The following ASB3 variants were observed in gnomAD, a reference collection of about 807,000 sequenced individuals.
ASB3 encodes ankyrin repeat and SOCS box protein 3.
In ASB3, 41 loss-of-function variants were observed where a neutral mutation model predicts 54.5. That is an observed-to-expected ratio of 0.75 (90% CI 0.59 to 0.98). The LOEUF is 0.98. Among genes scored for constraint, ASB3 ranks in the 50% least tolerant of loss-of-function variants. The pLI is 0.00. For synonymous variants in ASB3, 266 were observed against 221.2 expected (o/e 1.20, Z -1.80); for missense variants, 733 against 620.0 (o/e 1.18, Z -1.94).
intron 1 of ASB3, chr2:53,767,803 T>TA (rs1411939280): frequency 6.6e-7 from 1 of 1,513,714 alleles, no homozygotes; most frequent in Admixed American, 2.1e-5. Flanking sequence ...CGCGGCCGGT[T>TA]ACTCGCTTAC....
chr2:53,677,853 C>A (rs1179635067), intron 9 of ASB3, among the ~76,000 whole-genome samples: 1 of 152,048 alleles, frequency 6.6e-6, no homozygotes, highest in African/African-American at 2.4e-5. Context: ...AGCTAATTAT[C>A]TCAAGGCACA....
chr2:53,706,931 T>C (rs1184166635), intron 7 of ASB3, among the ~76,000 whole-genome samples: 6 of 152,198 alleles, frequency 3.9e-5, no homozygotes, highest in African/African-American at 9.7e-5. Flanking sequence ...ACCTTCCATA[T>C]TGTCTTTAGG....
intron 3 of ASB3, among the ~76,000 whole-genome samples, chr2:53,742,912 T>TA (rs1212733687): frequency 6.6e-6 from 1 of 152,100 alleles, no homozygotes; most frequent in African/African-American, 2.4e-5. Flanking sequence ...AACTAAAATT[T>TA]AAAATATCCA....
intron 1 of ASB3, among the ~76,000 whole-genome samples, chr2:53,768,416 C>A (rs1341206888): frequency 6.6e-6 from 1 of 152,252 alleles, no homozygotes; most frequent in African/African-American, 2.4e-5. Flanking sequence ...GTTGCAAATT[C>A]AGCTTTTTAG....
chr2:53,771,755 A>T, intron 1 of ASB3: 1 of 660,154 alleles, frequency 1.5e-6, no homozygotes. Flanking sequence ...AATTCACTTA[A>T]GCTTTATCAT....
intron 5 of ASB3, among the ~76,000 whole-genome samples, chr2:53,719,196 T>C (rs1314496231): frequency 3.9e-5 from 6 of 152,200 alleles, no homozygotes; most frequent in Non-Finnish European, 7.3e-5. Flanking sequence ...GTGCTGGGAT[T>C]ACAGGCGTGA....
rs759977344 is a variant in ASB3, at chr2:53,700,504, G to A, written c.1005C>T (p.Asn335=). The change falls in exon 8 of 10, where the codon AAC becomes AAT. Residue 335 remains asparagine, a synonymous_variant. Transcript: ENST00000263634. ...TCTGGGCTCCATATTTCAAAAGAAT[G>A]TTCACAATTCCAAAGAACTCACAGC... ...QKDCEFFGIV[N]ILLKYGAQIN... The A allele has an allele frequency of 6.2e-7, 1 of 1,611,708 alleles. No homozygotes were observed. The highest frequency in any genetic ancestry group is 1.7e-5 in the Admixed American group (1 of 59,624).
chr2:53,700,355 A>C lies in ASB3; in HGVS notation c.1154T>G (p.Ile385Ser). Reference protein sequence around the residue: ...NHIYEFVNHAIKAQAKYKEWL... With the variant: ...NHIYEFVNHASKAQAKYKEWL... Reference sequence around the variant, plus strand: ...CTCCTTATATTTTGCTTGTGCTTTAATTGCATGATTTACAAATTCATATAT... The same window carrying C: ...CTCCTTATATTTTGCTTGTGCTTTACTTGCATGATTTACAAATTCATATAT... Residue 385 changes from isoleucine (I) to serine (S), a missense_variant, in exon 8 of 10, where the codon ATT (isoleucine) becomes AGT (serine). By Grantham distance (142) the Ile-to-Ser change is moderately radical. Transcript: ENST00000263634. 6.2e-7 allele frequency: 1 copy of C among 1,614,124 alleles called. No individual in the cohort carries two copies.
chr2:53,750,321 A>G (rs1438839563), intron 3 of ASB3, among the ~76,000 whole-genome samples: 1 of 152,180 alleles, frequency 6.6e-6, no homozygotes, highest in Non-Finnish European at 1.5e-5. Flanking sequence ...AGTCTGTAAC[A>G]GAAGAGGTCT....
intron 3 of ASB3, among the ~76,000 whole-genome samples, chr2:53,742,385 C>T (rs147918199): frequency 6.6e-6 from 1 of 152,116 alleles, no homozygotes; most frequent in East Asian, 1.9e-4. Flanking sequence ...CAAATCCATA[C>T]AAAGATACAA....
chr2:53,727,114 C>G (rs1173159215), intron 5 of ASB3, among the ~76,000 whole-genome samples: 1 of 152,156 alleles, frequency 6.6e-6, no homozygotes, highest in African/African-American at 2.4e-5. Context: ...GGAAACGAGT[C>G]TAGATCTTTG....
intron 2 of ASB3, among the ~76,000 whole-genome samples, chr2:53,763,309 A>G (rs1278796596): frequency 6.6e-6 from 1 of 152,128 alleles, no homozygotes; most frequent in Non-Finnish European, 1.5e-5. Flanking sequence ...TGGTGAGCTG[A>G]GGTCGCACCA....
At position 53,728,713 on chromosome 2, in the gene ASB3, C is replaced by A; in HGVS notation, c.603G>T (p.Ser201=). ...KLESLSILIS[S]GANVNCQALD... ...ACAAAGGCTAATGGATAATCTTACC[C>A]GATGAAATAAGTATGCTCAAGCTTT... is the stretch of plus-strand genomic sequence containing the variant. Residue 201 remains serine (S), a splice_region_variant and synonymous_variant, in exon 5 of 10, where the codon TCG becomes TCT. Coordinates refer to ENST00000263634, the MANE Select transcript of ASB3 (RefSeq NM_016115.5). The A allele has an allele frequency of 1.9e-6, 3 of 1,599,786 alleles. No homozygotes were observed. The highest frequency in any genetic ancestry group is 4.5e-5 in the East Asian group (2 of 44,702).
intron 9 of ASB3, among the ~76,000 whole-genome samples, chr2:53,681,140 C>T (rs1185151730): frequency 6.6e-6 from 1 of 152,150 alleles, no homozygotes; most frequent in East Asian, 1.9e-4. Flanking sequence ...TTTTAATGGA[C>T]ACCAGTTGCT....
intron 9 of ASB3, among the ~76,000 whole-genome samples, chr2:53,692,365 T>A (rs895792448): frequency 6.6e-6 from 1 of 152,068 alleles, no homozygotes; most frequent in African/African-American, 2.4e-5. Flanking sequence ...CAAAAGATAG[T>A]TGGGATAAAT....
At chr2:53,708,234 G>A (rs1032801411) in intron 7 of ASB3, among the ~76,000 whole-genome samples, 1 of 152,106 alleles carries the variant, frequency 6.6e-6, no homozygotes, top group Non-Finnish European at 1.5e-5. Flanking sequence ...TTAAAAGTGT[G>A]TGGCACCTCC....
chr2:53,751,301 ATTTTATTT>A (rs917858381), intron 2 of ASB3, among the ~76,000 whole-genome samples: 3 of 152,136 alleles, frequency 2.0e-5, no homozygotes, highest in African/African-American at 7.2e-5. Flanking sequence ...ATATTCATCA[ATTTTATTT>A]TTTTATTTTT....
At chr2:53,691,396 A>AG (rs1203552686) in intron 9 of ASB3, among the ~76,000 whole-genome samples, 1 of 152,194 alleles carries the variant, frequency 6.6e-6, no homozygotes, top group East Asian at 1.9e-4. Flanking sequence ...GCTAGGAATT[A>AG]TCTAAGAGTT....
chr2:53,695,013 C>T (rs186153081), intron 8 of ASB3, among the ~76,000 whole-genome samples: 2 of 151,736 alleles, frequency 1.3e-5, no homozygotes, highest in Admixed American at 1.3e-4. Flanking sequence ...TTCAATTAGA[C>T]CCCCCCTACC....
Sources: gnomAD v4.1 joint callset for allele counts (sites outside exome capture counted in the v4.1 genomes callset) on GRCh38, gnomAD v4.1.1 for gene constraint, MANE v1.5 for transcripts, NCBI Gene and HGNC (gene_info 2026-07-23, HGNC 2026-07-21) for gene names.